Variants in TBX5 observed in about 807,000 individuals in gnomAD.
TBX5 encodes T-box transcription factor TBX5.
Under a neutral mutation model 51.1 loss-of-function variants are expected in TBX5, and 8 were observed. The ratio of observed to expected loss-of-function variants is 0.16; its 90% CI spans 0.09 to 0.28. TBX5 has a LOEUF of 0.28. TBX5 is among the 10% of genes least tolerant of loss of function. The pLI, the probability that TBX5 is intolerant of heterozygous loss-of-function variation, is 1.00. For missense variants in TBX5, 589 were observed against 671.7 expected (o/e 0.88, Z 1.36); for synonymous variants, 302 against 266.4 (o/e 1.13, Z -1.30).
chr12:114,386,911 T>C (rs1350642685), intron 6 of TBX5, among the ~76,000 whole-genome samples: 3 of 150,720 alleles, frequency 2.0e-5, no homozygotes, highest in Admixed American at 6.7e-5. Context: ...CTGGCCAACA[T>C]GGTAAAACCC....
upstream of TBX5, chr12:114,406,885 A>G (rs561941147): frequency 1.1e-4 from 22 of 209,500 alleles, no homozygotes; most frequent in Non-Finnish European, 1.7e-4. Flanking sequence ...AGAGGTCAAT[A>G]AAAGCACAAA....
chr12:114,401,130 C>T (rs952067221), intron 3 of TBX5, among the ~76,000 whole-genome samples: 6 of 152,192 alleles, frequency 3.9e-5, no homozygotes, highest in African/African-American at 7.2e-5. Flanking sequence ...CTGCACCACT[C>T]TCCTTCCTCC....
chr12:114,375,013 T>C (rs1870113983), intron 7 of TBX5, among the ~76,000 whole-genome samples: 1 of 152,226 alleles, frequency 6.6e-6, no homozygotes, highest in African/African-American at 2.4e-5. Context: ...TGGGCACTCA[T>C]CGTACAATTC....
In TBX5 at chr12:114,377,256, T is replaced by C. The variant is rs150023121; in HGVS notation, c.755+8220A>G. ...ATGAGAACACAAGAGTGCTAAGCCT[T>C]CAGTTTGAAAAATGATCATTTGAGG... On this transcript the variant is annotated intron_variant, in intron 7 of 8. Coordinates refer to ENST00000405440, the MANE Select transcript of TBX5 (RefSeq NM_181486.4). Among the ~76,000 whole-genome samples the C allele has an allele frequency of 7.5e-3, 1,149 of 152,268 alleles. 15 individuals are homozygous for C. The highest frequency in any genetic ancestry group is 0.026 in the African/African-American group (1,086 of 41,564).
Position 114,366,274 on chromosome 12 carries a change from G to A in TBX5, c.873C>T (p.Tyr291=). The change falls in exon 8 of 9, where the codon TAC becomes TAT. Residue 291 remains tyrosine, a synonymous_variant. Coordinates refer to ENST00000405440, the MANE Select transcript of TBX5 (RefSeq NM_181486.4). ...LSTSSNLGSQ[Y]QCENGVSGPS... is the part of the protein sequence containing the mutation. ...GGCCGGAAACACCATTCTCACACTGGTATTGGGACCCCAAATTGGATGAGG... is the reference window on the plus strand; with the variant it reads ...GGCCGGAAACACCATTCTCACACTGATATTGGGACCCCAAATTGGATGAGG... The A allele has an allele frequency of 1.9e-6, 3 of 1,614,122 alleles. No individual in the cohort carries two copies. Among genetic ancestry groups the A allele is most frequent in the Non-Finnish European group, 2.5e-6 (3 of 1,180,028 alleles).
intron 5 of TBX5, among the ~76,000 whole-genome samples, chr12:114,395,238 C>A (rs548626211): frequency 2.6e-5 from 4 of 152,114 alleles, no homozygotes; most frequent in Admixed American, 6.5e-5. Flanking sequence ...GAGGAATCCG[C>A]GTCTGGAGGG....
At chr12:114,402,731 G>GCA (rs1312355253) in intron 2 of TBX5, among the ~76,000 whole-genome samples, 1 of 151,872 alleles carries the variant, frequency 6.6e-6, no homozygotes, top group East Asian at 1.9e-4. Context: ...ATACATATGT[G>GCA]CACACACACA....
chr12:114,355,364 C>T lies in TBX5; in HGVS notation c.*168G>A, dbSNP rs1244944071. ...ACATTTTTAAAATTGTGGTTTCAAGCTACTGATTAGATCAGCATCCAGCGA... is the reference window on the plus strand; with the variant it reads ...ACATTTTTAAAATTGTGGTTTCAAGTTACTGATTAGATCAGCATCCAGCGA... On this transcript the variant is annotated 3_prime_UTR_variant, in exon 9 of 9. Transcript: ENST00000405440. The T allele has an allele frequency of 2.4e-6, 2 of 849,230 alleles. No individual in the cohort carries two copies. Among genetic ancestry groups the T allele is most frequent in the African/African-American group, 3.3e-5 (2 of 59,768 alleles). 52.6% of individuals were successfully genotyped at this position (849,230 alleles called of 1,614,324 possible). A position where few individuals can be genotyped will look rare whatever the true frequency, so the allele number is the denominator to read the frequency against.
rs534512327 is a variant in TBX5 at position 114,379,048 on chromosome 12, T to C, written c.755+6428A>G. Among the ~76,000 whole-genome samples the C allele has an allele frequency of 2.7e-3, 406 of 152,292 alleles. 3 individuals are homozygous for C. The highest frequency in any genetic ancestry group is 4.8e-3 in the Non-Finnish European group (327 of 68,022). ...TTCTGATTTTTCAGTGGACAACAGCTGAGGTCCCATCCAAAAGCAGCATCA... is the reference window on the plus strand; with the variant it reads ...TTCTGATTTTTCAGTGGACAACAGCCGAGGTCCCATCCAAAAGCAGCATCA... On this transcript the variant is annotated intron_variant, in intron 7 of 8. Transcript: ENST00000405440.
At chr12:114,363,930 G>A (rs535694457) in intron 8 of TBX5, among the ~76,000 whole-genome samples, 20 of 152,308 alleles carry the variant, frequency 1.3e-4, no homozygotes, top group African/African-American at 4.8e-4. Flanking sequence ...ATATTTGCAG[G>A]CATCTGGTCT....
chr12:114,405,158 C>G (rs1872125557), intron 1 of TBX5, among the ~76,000 whole-genome samples: 1 of 152,218 alleles, frequency 6.6e-6, no homozygotes, highest in Non-Finnish European at 1.5e-5. Flanking sequence ...GGCCAGAGAT[C>G]TAGAAATGGG....
At chr12:114,391,216 G>T (rs7132286) in intron 6 of TBX5, among the ~76,000 whole-genome samples, 18,542 of 152,206 alleles carry the variant, frequency 0.12, 1,270 homozygotes, top group Middle Eastern at 0.18. Flanking sequence ...AAGGCAAAAC[G>T]CTAGACAAAT....
chr12:114,362,765 A>G (rs1335296713), intron 8 of TBX5, among the ~76,000 whole-genome samples: 1 of 152,134 alleles, frequency 6.6e-6, no homozygotes, highest in Non-Finnish European at 1.5e-5. Context: ...CCTGGGCTCA[A>G]GCAATCCTCC....
chr12:114,392,052 A>G (rs1049986109), intron 6 of TBX5, among the ~76,000 whole-genome samples: 8 of 152,158 alleles, frequency 5.3e-5, no homozygotes. Context: ...CAATACAGAA[A>G]AAAAAGCAAT....
intron 6 of TBX5, among the ~76,000 whole-genome samples, chr12:114,390,430 G>C (rs758099892): frequency 1.3e-5 from 2 of 152,168 alleles, no homozygotes; most frequent in Non-Finnish European, 2.9e-5. Context: ...ACATAAAACC[G>C]GATATCCGGG....
intron 2 of TBX5, 88 bp from the exon 3 acceptor site, chr12:114,402,008 T>G (rs894481769): frequency 2.6e-6 from 3 of 1,156,008 alleles, no homozygotes; most frequent in Non-Finnish European, 3.9e-6. Context: ...CAGAGACTGC[T>G]CCTCCTTCCC....
At chr12:114,397,542 A>C (rs1403548573) in intron 5 of TBX5, among the ~76,000 whole-genome samples, 2 of 152,230 alleles carry the variant, frequency 1.3e-5, no homozygotes, top group African/African-American at 4.8e-5. Context: ...TTCAAAAATC[A>C]GTGTTTTGTG....
chr12:114,394,695 A>G (rs1284978835), intron 6 of TBX5, 46 bp downstream of exon 6: 3 of 1,613,298 alleles, frequency 1.9e-6, no homozygotes, highest in Non-Finnish European at 1.7e-6. Flanking sequence ...CATGCAAAAG[A>G]AAGAGCAGAC....
chr12:114,405,241 G>A (rs2136426913), intron 1 of TBX5, among the ~76,000 whole-genome samples: 1 of 152,320 alleles, frequency 6.6e-6, no homozygotes, highest in East Asian at 1.9e-4. Context: ...GGGCTTCAGG[G>A]AGGCGGCGAC....
Sources: gnomAD v4.1 joint callset for allele counts (sites outside exome capture counted in the v4.1 genomes callset) on GRCh38, gnomAD v4.1.1 for gene constraint, MANE v1.5 for transcripts, NCBI Gene and HGNC (gene_info 2026-07-23, HGNC 2026-07-21) for gene names.